ZNF343: variants seen among roughly 807,000 people sequenced by gnomAD.
ZNF343 encodes the protein zinc finger protein 343.
Under a neutral mutation model 13.8 loss-of-function variants are expected in ZNF343, and 11 were observed. That is an observed-to-expected ratio of 0.80 (90% CI 0.50 to 1.32). The LOEUF (loss-of-function observed/expected upper bound fraction) is 1.32. Among genes scored for constraint, ZNF343 ranks in the 40% most tolerant of loss-of-function variants. ZNF343 has a pLI of 0.00. For missense variants in ZNF343, 658 were observed against 714.2 expected (o/e 0.92, Z 0.90); for synonymous variants, 248 against 260.0 (o/e 0.95, Z 0.44).
intron 1 of ZNF343, among the ~76,000 whole-genome samples, chr20:2,503,156 T>G (rs1438618306): frequency 6.6e-6 from 1 of 152,190 alleles, no homozygotes; most frequent in East Asian, 1.9e-4. Context: ...AGATAGGTGT[T>G]GCAATCCTAG....
At chr20:2,504,130 T>C (rs1324391425) in intron 1 of ZNF343, among the ~76,000 whole-genome samples, 1 of 151,980 alleles carries the variant, frequency 6.6e-6, no homozygotes, top group Non-Finnish European at 1.5e-5. Context: ...AAAGGGGATA[T>C]CACCACTGAT....
chr20:2,483,837 T>G lies in ZNF343; in HGVS notation c.1124A>C (p.His375Pro). ...GCACACATAGGGTTTCTCACCGGAG[T>G]GTGTCCTCTGGTGTCTGATGAAGGA... is the stretch of plus-strand genomic sequence containing the variant. ...KSSFIRHQRTHSGEKPYVCLE... is the reference protein window; with the variant it reads ...KSSFIRHQRTPSGEKPYVCLE... The change falls in exon 6 of 6, where the codon CAC (histidine) becomes CCC (proline). Residue 375 changes from histidine to proline, a missense_variant. Coordinates refer to ENST00000278772, the MANE Select transcript of ZNF343 (RefSeq NM_024325.6). 6.2e-7 allele frequency: 1 copy of G among 1,613,948 alleles called. No individual in the cohort carries two copies. The highest frequency in any genetic ancestry group is 1.7e-4 in the Middle Eastern group (1 of 6,060).
intron 1 of ZNF343, among the ~76,000 whole-genome samples, chr20:2,504,731 G>T (rs1247697132): frequency 6.6e-6 from 1 of 152,060 alleles, no homozygotes; most frequent in Admixed American, 6.6e-5. Context: ...TTCAGAAAAG[G>T]CCTTTGACAA....
At chr20:2,507,820 C>G (rs1374329729) in intron 1 of ZNF343, among the ~76,000 whole-genome samples, 1 of 152,114 alleles carries the variant, frequency 6.6e-6, no homozygotes, top group Non-Finnish European at 1.5e-5. Flanking sequence ...TAAAATTTGT[C>G]CCTACGAAAA....
Position 2,493,819 on chromosome 20 carries a change from A to G in ZNF343, c.77T>C (p.Val26Ala), listed in dbSNP as rs2085411524. Residue 26 changes from valine to alanine, a missense_variant, in exon 3 of 6, where the codon GTA becomes GCA. Transcript: ENST00000278772. ...TTGGGTCAATTTCTTCATAGTCTCT[A>G]CATTTTCCCCATTCTTTGGAAGCAA... The part of the protein sequence containing the change: ...EILLPKNGEN[V>A]ETMKKLTQNH... 6.2e-7 allele frequency: 1 copy of G among 1,613,976 alleles called. No homozygotes were observed. Among genetic ancestry groups the G allele is most frequent in the Non-Finnish European group, 8.5e-7 (1 of 1,179,890 alleles).
intron 4 of ZNF343, 90 bp downstream of exon 4, chr20:2,493,428 CT>C: frequency 1.5e-6 from 2 of 1,295,810 alleles, no homozygotes; most frequent in Non-Finnish European, 2.2e-6. Flanking sequence ...TGTTGACCGC[CT>C]TTTCCTTTCC....
At chr20:2,499,188 G>A (rs192101421) in intron 2 of ZNF343, among the ~76,000 whole-genome samples, 10 of 149,934 alleles carry the variant, frequency 6.7e-5, no homozygotes, top group Admixed American at 4.0e-4. Flanking sequence ...GCCCTCTTCC[G>A]GGCGCGGTGG....
intron 2 of ZNF343, among the ~76,000 whole-genome samples, chr20:2,500,440 A>G (rs1289434824): frequency 3.9e-5 from 6 of 152,200 alleles, no homozygotes. Flanking sequence ...TGGGGCAAGG[A>G]CGGTGATAAC....
At chr20:2,523,739 G>C in intron 1 of ZNF343, among the ~76,000 whole-genome samples, 1 of 132,416 alleles carries the variant, frequency 7.6e-6, no homozygotes, top group Admixed American at 9.2e-5. Flanking sequence ...AGGATGCAAT[G>C]GTGCGATCTT....
chr20:2,511,431 A>T (rs1179491279), upstream of ZNF343, among the ~76,000 whole-genome samples: 1 of 152,152 alleles, frequency 6.6e-6, no homozygotes, highest in Non-Finnish European at 1.5e-5. Flanking sequence ...ATTTCTGTTT[A>T]TTCAAAGAAA....
intron 1 of ZNF343, among the ~76,000 whole-genome samples, chr20:2,515,043 AAGG>A (rs1336377241): frequency 6.6e-6 from 1 of 151,378 alleles, no homozygotes; most frequent in South Asian, 2.1e-4. Context: ...AGAAGGAAGG[AAGG>A]AGAAGAAGGA....
At chr20:2,494,642 G>A (rs989189191) in intron 2 of ZNF343, among the ~76,000 whole-genome samples, 6 of 152,030 alleles carry the variant, frequency 3.9e-5, no homozygotes, top group South Asian at 2.1e-4. Flanking sequence ...GGTGGTGTGC[G>A]CCTGTAGTCC....
At chr20:2,523,677 C>CT (rs3051730) in intron 1 of ZNF343, among the ~76,000 whole-genome samples, 2,763 of 102,774 alleles carry the variant, frequency 0.027, 235 homozygotes, top group African/African-American at 0.084. Flanking sequence ...GCTATGTGTA[C>CT]TTTTTTTTTT....
chr20:2,486,461 C>T (rs1352899840), intron 5 of ZNF343, among the ~76,000 whole-genome samples: 44 of 152,166 alleles, frequency 2.9e-4, no homozygotes, highest in Non-Finnish European at 1.5e-5. Context: ...AATATATTTA[C>T]TCATTTGCTT....
chr20:2,490,604 C>T (rs1411035146), intron 5 of ZNF343, among the ~76,000 whole-genome samples: 4 of 146,214 alleles, frequency 2.7e-5, no homozygotes, highest in Admixed American at 2.1e-4. Context: ...ATGGCATGAT[C>T]TCAGCTCACT....
At chr20:2,509,774 A>G (rs113235417), upstream of ZNF343, among the ~76,000 whole-genome samples, 689 of 152,338 alleles carry the variant, frequency 4.5e-3, 4 homozygotes, top group African/African-American at 0.015. Flanking sequence ...CCTTCAGCTC[A>G]TAGGAGGCGC....
chr20:2,507,784 C>T (rs967566065), intron 1 of ZNF343, among the ~76,000 whole-genome samples: 7 of 152,196 alleles, frequency 4.6e-5, no homozygotes, highest in African/African-American at 1.7e-4. Context: ...CGTGGCAGTT[C>T]ACTGAATAGC....
chr20:2,487,278 C>T (rs2085296189), intron 5 of ZNF343, among the ~76,000 whole-genome samples: 1 of 152,172 alleles, frequency 6.6e-6, no homozygotes, highest in Non-Finnish European at 1.5e-5. Flanking sequence ...TCCAAAAGTG[C>T]AAAACTATTC....
Position 2,518,422 on chromosome 20 carries a change from T to TTCTA in ZNF343, c.-347+6032_-347+6033insTAGA, listed in dbSNP as rs1342627541. Reference sequence around the variant, plus strand: ...CTTAAAAGATCCTTCTTATTGCCAGTTAGAGCAAATTAAGTAGAATCTAGA... The same window carrying TTCTA: ...CTTAAAAGATCCTTCTTATTGCCAGTTCTATAGAGCAAATTAAGTAGAATCTAGA... On this transcript the variant is annotated intron_variant, in intron 1 of 6. Transcript: ENST00000358413. This position sits in a 1 kb window ranked among gnomAD's most constrained non-coding sequence, Gnocchi z 4.6. 6.6e-6 allele frequency among the ~76,000 whole-genome samples: 1 copy of TTCTA among 152,242 alleles called. No individual in the cohort carries two copies. The highest frequency in any genetic ancestry group is 2.4e-5 in the African/African-American group (1 of 41,472).
Sources: gnomAD v4.1 joint callset for allele counts (sites outside exome capture counted in the v4.1 genomes callset) on GRCh38, gnomAD v4.1.1 for gene constraint, Gnocchi (gnomAD v3.1) non-coding constraint, MANE v1.5 for transcripts, NCBI Gene and HGNC (gene_info 2026-07-23, HGNC 2026-07-21) for gene names.